The following MACROD2 variants were observed in gnomAD, a reference collection of about 807,000 sequenced individuals.
MACROD2 encodes the protein mono-ADP ribosylhydrolase 2.
A neutral mutation model predicts 70.4 loss-of-function variants in MACROD2; 36 were observed. The observed-to-expected ratio is 0.51, with a 90% CI of 0.39 to 0.68. The LOEUF (loss-of-function observed/expected upper bound fraction) is 0.68, where lower values mean the gene tolerates loss of function less well. MACROD2 is among the 30% of genes least tolerant of loss of function. The probability of loss-of-function intolerance (pLI) is 0.00; values close to 1 mark genes in which losing one functional copy is unlikely to be tolerated. For missense variants in MACROD2, 496 were observed against 538.4 expected, an observed-to-expected ratio of 0.92 and a Z score of 0.78; for synonymous variants, 172 against 178.8, an observed-to-expected ratio of 0.96 and a Z score of 0.30.
chr20:14,748,053 T>C (rs765209603), intron 5 of MACROD2, among the ~76,000 whole-genome samples: 1 of 152,104 alleles, frequency 6.6e-6, no homozygotes, highest in Non-Finnish European at 1.5e-5. Context: ...AAATGAGCTT[T>C]TGTACCAGAT....
At chr20:15,837,183 T>C (rs1157983473) in intron 8 of MACROD2, among the ~76,000 whole-genome samples, 2 of 152,154 alleles carry the variant, frequency 1.3e-5, no homozygotes, top group Non-Finnish European at 2.9e-5. Context: ...TTTTTAACCT[T>C]TAAACAAAGT....
At chr20:16,006,241 C>G (rs10485543) in intron 15 of MACROD2, among the ~76,000 whole-genome samples, 17,086 of 152,148 alleles carry the variant, frequency 0.11, 1,090 homozygotes, top group Non-Finnish European at 0.13. Context: ...TAAGCTCTTA[C>G]TCATCATCGG....
intron 3 of MACROD2, among the ~76,000 whole-genome samples, chr20:14,366,103 C>G (rs1333133098): frequency 1.3e-5 from 2 of 152,056 alleles, no homozygotes; most frequent in Non-Finnish European, 2.9e-5. Flanking sequence ...CTATATGTAT[C>G]TGTTGGATGT....
At chr20:14,493,806 G>GC in intron 4 of MACROD2, 1 of 195,716 alleles carries the variant, frequency 5.1e-6, no homozygotes, top group Non-Finnish European at 1.1e-5. Flanking sequence ...TGTGTGCATA[G>GC]TTACAGAGTA....
intron 8 of MACROD2, among the ~76,000 whole-genome samples, chr20:15,558,859 G>T (rs1031550936): frequency 6.6e-6 from 1 of 152,148 alleles, no homozygotes; most frequent in African/African-American, 2.4e-5. Context: ...ATAAAGAAAA[G>T]ATTAGTTTAA....
intron 8 of MACROD2, among the ~76,000 whole-genome samples, chr20:15,854,818 T>C (rs1262450986): frequency 6.6e-6 from 1 of 152,200 alleles, no homozygotes; most frequent in African/African-American, 2.4e-5. Context: ...ACTTCACTTA[T>C]CCTGGTCCTC....
chr20:15,928,556 A>T (rs1296582431), intron 10 of MACROD2, among the ~76,000 whole-genome samples: 1 of 152,230 alleles, frequency 6.6e-6, no homozygotes, highest in Non-Finnish European at 1.5e-5. Flanking sequence ...TGCTGCCATC[A>T]CTTGCTAGCT....
intron 3 of MACROD2, among the ~76,000 whole-genome samples, chr20:14,427,589 C>A (rs189391070): frequency 1.2e-4 from 18 of 151,974 alleles, no homozygotes; most frequent in African/African-American, 3.9e-4. Flanking sequence ...TATACATACA[C>A]AAACATGCAT....
At chr20:14,150,781 G>A (rs776212751) in intron 3 of MACROD2, among the ~76,000 whole-genome samples, 1 of 152,104 alleles carries the variant, frequency 6.6e-6, no homozygotes, top group Admixed American at 6.5e-5. Flanking sequence ...AAGAAGAATG[G>A]GAAAGAGAGA....
intron 3 of MACROD2, among the ~76,000 whole-genome samples, chr20:14,362,785 GA>G (rs916358645): frequency 5.3e-5 from 8 of 152,030 alleles, no homozygotes; most frequent in Admixed American, 3.9e-4. Flanking sequence ...AATCTCTGGG[GA>G]AAAAAAGATA....
rs182664655 is a variant in MACROD2 at position 14,338,943 on chromosome 20, C to T, written c.272-154536C>T. On this transcript the variant is annotated intron_variant, in intron 3 of 17. Coordinates refer to ENST00000684519, the MANE Select transcript of MACROD2 (RefSeq NM_001351661.2). Reference sequence around the variant, plus strand: ...GGTAAGAACTTAGCTTTTATATTTACCTGGAGGACCGTTGTCTTAAACTAA... The same window carrying T: ...GGTAAGAACTTAGCTTTTATATTTATCTGGAGGACCGTTGTCTTAAACTAA... Among the ~76,000 whole-genome samples the T allele has an allele frequency of 1.8e-3, 277 of 152,200 alleles. 2 individuals carry two copies. The highest frequency in any genetic ancestry group is 0.01 in the Middle Eastern group (3 of 294).
At chr20:15,641,634 A>G (rs570807351) in intron 8 of MACROD2, among the ~76,000 whole-genome samples, 82 of 152,278 alleles carry the variant, frequency 5.4e-4, no homozygotes, top group African/African-American at 1.9e-3. Flanking sequence ...AGGGTCTTCT[A>G]TTTCATCCTA....
chr20:14,202,044 T>C (rs187548708), intron 3 of MACROD2, among the ~76,000 whole-genome samples: 14 of 152,264 alleles, frequency 9.2e-5, no homozygotes, highest in African/African-American at 3.4e-4. Context: ...ATGTAACTAC[T>C]ATTTCCAAGA....
intron 6 of MACROD2, among the ~76,000 whole-genome samples, chr20:15,324,323 T>C (rs1454960730): frequency 6.6e-6 from 1 of 152,160 alleles, no homozygotes; most frequent in Non-Finnish European, 1.5e-5. Flanking sequence ...CAGTCTTTGA[T>C]TGTATACATG....
intron 2 of MACROD2, among the ~76,000 whole-genome samples, chr20:14,016,551 C>G (rs1405646971): frequency 1.3e-5 from 2 of 151,944 alleles, no homozygotes; most frequent in Non-Finnish European, 2.9e-5. Flanking sequence ...TTTGCTTGGT[C>G]TTTGATCCAT....
intron 3 of MACROD2, among the ~76,000 whole-genome samples, chr20:14,265,341 A>C (rs2082135227): frequency 6.6e-6 from 1 of 152,094 alleles, no homozygotes; most frequent in South Asian, 2.1e-4. Flanking sequence ...GTATTCAGTA[A>C]AATGTTTCTG....
At chr20:15,244,678 G>A (rs2077090373) in intron 6 of MACROD2, among the ~76,000 whole-genome samples, 1 of 152,184 alleles carries the variant, frequency 6.6e-6, no homozygotes, top group Non-Finnish European at 1.5e-5. Context: ...GCTTTTCTCT[G>A]CTAAAAGATC....
At chr20:14,883,309 G>A (rs553481217) in intron 5 of MACROD2, among the ~76,000 whole-genome samples, 1 of 152,230 alleles carries the variant, frequency 6.6e-6, no homozygotes, top group South Asian at 2.1e-4. Context: ...TGCATAATTT[G>A]AACATTATGT....
chr20:15,468,070 T>G (rs989975985), intron 7 of MACROD2, among the ~76,000 whole-genome samples: 1 of 152,286 alleles, frequency 6.6e-6, no homozygotes, highest in African/African-American at 2.4e-5. Flanking sequence ...GATGGCAAAT[T>G]TTATGTTTTC....
Sources: gnomAD v4.1 joint callset for allele counts (sites outside exome capture counted in the v4.1 genomes callset) on GRCh38, gnomAD v4.1.1 for gene constraint, MANE v1.5 for transcripts, NCBI Gene and HGNC (gene_info 2026-07-23, HGNC 2026-07-21) for gene names.